The following SPAG16 variants were observed in gnomAD, a reference collection of about 807,000 sequenced individuals.
The protein encoded by SPAG16 is sperm-associated antigen 16 protein.
Under a neutral mutation model 80.4 loss-of-function variants are expected in SPAG16, and 86 were observed. That is an observed-to-expected ratio of 1.07 (90% CI 0.90 to 1.28). The LOEUF (loss-of-function observed/expected upper bound fraction) is 1.28. SPAG16 is among the 50% of genes most tolerant of loss of function. The pLI, the probability that SPAG16 is intolerant of heterozygous loss-of-function variation, is 0.00. For missense variants in SPAG16, 870 were observed against 765.3 expected, an observed-to-expected ratio of 1.14 and a Z score of -1.61; for synonymous variants, 294 against 265.9, an observed-to-expected ratio of 1.11 and a Z score of -1.03.
At chr2:213,601,584 T>C (rs2061063669) in intron 10 of SPAG16, among the ~76,000 whole-genome samples, 1 of 152,162 alleles carries the variant, frequency 6.6e-6, no homozygotes, top group Admixed American at 6.5e-5. Flanking sequence ...AAAAGTATGA[T>C]CAACTCACCT....
Position 214,170,531 on chromosome 2 carries a change from GTA to G in SPAG16, c.1720+21270_1720+21271del, listed in dbSNP as rs143576939. Among the ~76,000 whole-genome samples the G allele has an allele frequency of 1.3e-3, 193 of 152,080 alleles. 3 individuals are homozygous for G. In the East Asian group the frequency reaches 0.034, roughly 27 times the overall value. On this transcript the variant is annotated intron_variant, in intron 15 of 15. Coordinates refer to ENST00000331683, the MANE Select transcript of SPAG16 (RefSeq NM_024532.5). ...TTGCATTTGTGTCCCTTGCTGGGTT[GTA>G]TATACATAAAAAGGGATATTACTTT... is the stretch of plus-strand genomic sequence containing the variant.
intron 15 of SPAG16, among the ~76,000 whole-genome samples, chr2:214,153,959 T>C (rs1005979582): frequency 6.6e-6 from 1 of 152,148 alleles, no homozygotes; most frequent in Non-Finnish European, 1.5e-5. Context: ...TACATGTGTA[T>C]AGTAGTATAT....
At chr2:213,717,604 T>G (rs572905512) in intron 10 of SPAG16, among the ~76,000 whole-genome samples, 18 of 152,196 alleles carry the variant, frequency 1.2e-4, no homozygotes, top group Admixed American at 3.9e-4. Context: ...GACCACATTT[T>G]GAGCAGTAAA....
chr2:213,481,741 A>G (rs2073761169), intron 9 of SPAG16, among the ~76,000 whole-genome samples: 1 of 152,222 alleles, frequency 6.6e-6, no homozygotes, highest in Non-Finnish European at 1.5e-5. Context: ...GTGCATAGTG[A>G]ACAGAATATT....
intron 15 of SPAG16, among the ~76,000 whole-genome samples, chr2:214,403,368 A>T (rs1701821849): frequency 6.7e-6 from 1 of 148,664 alleles, no homozygotes; most frequent in African/African-American, 2.4e-5. Flanking sequence ...ATATATTTAT[A>T]CTTATTAATT....
intron 10 of SPAG16, among the ~76,000 whole-genome samples, chr2:213,818,971 T>G (rs1020242247): frequency 2.6e-5 from 4 of 152,196 alleles, no homozygotes; most frequent in African/African-American, 9.7e-5. Flanking sequence ...TTACCCAGTC[T>G]CAGATAGTAA....
intron 4 of SPAG16, among the ~76,000 whole-genome samples, chr2:213,315,691 A>T (rs1457327752): frequency 1.7e-4 from 3 of 17,380 alleles, no homozygotes; most frequent in African/African-American, 3.3e-4. Flanking sequence ...ACTCTATTGA[A>T]AACTTTTTTT....
At chr2:214,384,322 G>A (rs1040924893) in intron 15 of SPAG16, among the ~76,000 whole-genome samples, 3 of 152,012 alleles carry the variant, frequency 2.0e-5, no homozygotes, top group Non-Finnish European at 4.4e-5. Flanking sequence ...AAATACTGTT[G>A]GTACTTATTA....
chr2:213,322,117 AT>A (rs2063639854), intron 5 of SPAG16, among the ~76,000 whole-genome samples: 1 of 151,092 alleles, frequency 6.6e-6, no homozygotes, highest in Non-Finnish European at 1.5e-5. Flanking sequence ...AAAAAAAAAG[AT>A]TATAAAACAC....
At chr2:213,651,870 C>A (rs997166535) in intron 10 of SPAG16, among the ~76,000 whole-genome samples, 4 of 152,080 alleles carry the variant, frequency 2.6e-5, no homozygotes, top group African/African-American at 9.7e-5. Context: ...TAAATTCAAT[C>A]ATGTGGAAAA....
At chr2:214,020,612 C>T (rs1179045762) in intron 13 of SPAG16, among the ~76,000 whole-genome samples, 1 of 152,132 alleles carries the variant, frequency 6.6e-6, no homozygotes, top group Non-Finnish European at 1.5e-5. Flanking sequence ...GCTATCAGAA[C>T]TGCAAATGAT....
intron 12 of SPAG16, among the ~76,000 whole-genome samples, chr2:213,979,990 T>A (rs754333913): frequency 7.2e-5 from 11 of 151,844 alleles, no homozygotes; most frequent in Non-Finnish European, 1.3e-4. Flanking sequence ...GATTACTATG[T>A]TTTTGTTTGC....
At chr2:213,323,901 C>T (rs1221226599) in intron 5 of SPAG16, among the ~76,000 whole-genome samples, 1 of 151,952 alleles carries the variant, frequency 6.6e-6, no homozygotes, top group Non-Finnish European at 1.5e-5. Context: ...TGCATGATTC[C>T]CCATATATGA....
chr2:213,919,129 T>C (rs367634951), intron 11 of SPAG16, among the ~76,000 whole-genome samples: 2 of 152,208 alleles, frequency 1.3e-5, no homozygotes, highest in South Asian at 2.1e-4. Flanking sequence ...TGATTTTTCA[T>C]ATCTCAATGT....
chr2:213,388,451 A>G (rs1243922354), intron 9 of SPAG16, among the ~76,000 whole-genome samples: 1 of 152,206 alleles, frequency 6.6e-6, no homozygotes, highest in Non-Finnish European at 1.5e-5. Flanking sequence ...GCAACTGCAT[A>G]TATGGGGAAA....
chr2:214,166,743 A>G lies in SPAG16; in HGVS notation c.1720+17477A>G, dbSNP rs1015909380. On this transcript the variant is annotated intron_variant, in intron 15 of 15. Transcript: ENST00000331683. ...TAAAAGGCCTGGCATGCTAACCACTACAATGTGCGTAGGCATTCTCTGAGA... is the reference window on the plus strand; with the variant it reads ...TAAAAGGCCTGGCATGCTAACCACTGCAATGTGCGTAGGCATTCTCTGAGA... Among the ~76,000 whole-genome samples, 3 of 152,178 alleles carry G rather than the reference A, an allele frequency of 2.0e-5. No homozygotes were observed. The East Asian group carries it at 5.8e-4, about 29-fold the overall frequency.
intron 15 of SPAG16, among the ~76,000 whole-genome samples, chr2:214,385,551 T>C (rs998950425): frequency 6.6e-6 from 1 of 152,168 alleles, no homozygotes; most frequent in African/African-American, 2.4e-5. Context: ...CTTTGTTTTA[T>C]TAAAACTCTA....
intron 11 of SPAG16, among the ~76,000 whole-genome samples, chr2:213,917,184 A>C (rs1318885928): frequency 6.6e-6 from 1 of 151,980 alleles, no homozygotes; most frequent in Non-Finnish European, 1.5e-5. Context: ...ACTGTAGTCT[A>C]GTAGTACAGT....
In SPAG16 at chr2:213,515,078, G is replaced by A. The variant is rs992927377; in HGVS notation, c.1070+24988G>A. 1.6e-4 allele frequency among the ~76,000 whole-genome samples: 25 copies of A among 152,052 alleles called. 1 individual carries two copies. Among genetic ancestry groups the A allele is most frequent in the Admixed American group, 5.2e-4 (8 of 15,278 alleles). On this transcript the variant is annotated intron_variant, in intron 10 of 15. Coordinates refer to ENST00000331683, the MANE Select transcript of SPAG16 (RefSeq NM_024532.5). ...CAAAATAACATGTCAGGTGTTATGC[G>A]TCTTATTTTCTGCAAAATAGCTAAC...
Sources: gnomAD v4.1 joint callset for allele counts (sites outside exome capture counted in the v4.1 genomes callset) on GRCh38, gnomAD v4.1.1 for gene constraint, MANE v1.5 for transcripts, NCBI Gene and HGNC (gene_info 2026-07-23, HGNC 2026-07-21) for gene names.